ERG: variants seen among roughly 807,000 people sequenced by gnomAD.
ERG encodes the protein transcriptional regulator ERG.
Under a neutral mutation model 55.3 loss-of-function variants are expected in ERG, and 9 were observed. The ratio of observed to expected loss-of-function variants is 0.16; its 90% CI spans 0.10 to 0.28. The LOEUF (loss-of-function observed/expected upper bound fraction) is 0.28. Among genes scored for constraint, ERG ranks in the 10% least tolerant of loss-of-function variants. The pLI is 1.00. For missense variants in ERG, 434 were observed against 631.6 expected, an observed-to-expected ratio of 0.69 and a Z score of 3.35; for synonymous variants, 223 against 237.3, an observed-to-expected ratio of 0.94 and a Z score of 0.55.
chr21:38,633,727 T>C (rs1262572163), intron 1 of ERG, among the ~76,000 whole-genome samples: 1 of 152,196 alleles, frequency 6.6e-6, no homozygotes, highest in Non-Finnish European at 1.5e-5. Context: ...AAATAAAAAG[T>C]AGAAAATAAA....
At chr21:38,479,307 CAATGGGCAACCG>C (rs1009508920) in intron 1 of ERG, among the ~76,000 whole-genome samples, 19 of 152,244 alleles carry the variant, frequency 1.2e-4, no homozygotes, top group Admixed American at 7.8e-4. Context: ...CTGGCTCTTC[CAATGGGCAACCG>C]TTGTTTGTTG....
At chr21:38,618,390 T>C (rs2060271191) in intron 1 of ERG, among the ~76,000 whole-genome samples, 1 of 152,112 alleles carries the variant, frequency 6.6e-6, no homozygotes, top group African/African-American at 2.4e-5. Flanking sequence ...AAGGATAAAG[T>C]GGCACAGAGT....
At chr21:38,401,958 G>A (rs1402903417) in intron 5 of ERG, among the ~76,000 whole-genome samples, 1 of 152,192 alleles carries the variant, frequency 6.6e-6, no homozygotes, top group Non-Finnish European at 1.5e-5. Flanking sequence ...CAGGCATTTG[G>A]TTAGTGACTA....
chr21:38,381,142 C>T lies in ERG; in HGVS notation c.*2261G>A, dbSNP rs1987415059. 2 of 1,065,240 alleles carry T rather than the reference C, an allele frequency of 1.9e-6. No individual in the cohort carries two copies. The highest frequency in any genetic ancestry group is 2.3e-6 in the Non-Finnish European group (2 of 879,334). The allele number at this position is 1,065,240 out of a possible 1,614,324, so 66.0% of individuals were successfully genotyped here. A position where few individuals can be genotyped will look rare whatever the true frequency, so the allele number is the denominator to read the frequency against. On this transcript the variant is annotated 3_prime_UTR_variant, in exon 10 of 10. Coordinates refer to ENST00000288319, the MANE Select transcript of ERG (RefSeq NM_182918.4). ...ATCGTGTCCTGCCGACTTCAAAGCCCACTGCCAAAACATCCACAGCACAGA... is the reference window on the plus strand; with the variant it reads ...ATCGTGTCCTGCCGACTTCAAAGCCTACTGCCAAAACATCCACAGCACAGA...
chr21:38,546,322 G>A (rs1340484408), intron 2 of ERG, among the ~76,000 whole-genome samples: 1 of 152,020 alleles, frequency 6.6e-6, no homozygotes, highest in East Asian at 1.9e-4. Flanking sequence ...TCCCTTTACT[G>A]TCAAACACAA....
At chr21:38,527,013 T>C (rs2059634389) in intron 2 of ERG, among the ~76,000 whole-genome samples, 1 of 152,170 alleles carries the variant, frequency 6.6e-6, no homozygotes, top group South Asian at 2.1e-4. Flanking sequence ...GTTCACCAAT[T>C]CCTAAGAAGG....
At chr21:38,633,801 T>G (rs752163051) in intron 1 of ERG, among the ~76,000 whole-genome samples, 4 of 152,090 alleles carry the variant, frequency 2.6e-5, no homozygotes, top group Non-Finnish European at 5.9e-5. Flanking sequence ...AAGTGCCGAA[T>G]TATTTCATTT....
chr21:38,533,825 T>C (rs900004463), intron 2 of ERG, among the ~76,000 whole-genome samples: 1 of 152,224 alleles, frequency 6.6e-6, no homozygotes, highest in Non-Finnish European at 1.5e-5. Context: ...GCTCAACTGA[T>C]ATTTAGCTCT....
At chr21:38,421,892 G>A (rs532251443) in intron 3 of ERG, among the ~76,000 whole-genome samples, 35 of 151,968 alleles carry the variant, frequency 2.3e-4, no homozygotes, top group Admixed American at 8.5e-4. Flanking sequence ...TGCTCTTGTC[G>A]CCCAGGCTGG....
Position 38,548,315 on chromosome 21 carries a change from T to C in ERG, c.-41+27347A>G, listed in dbSNP as rs575475972. Among the ~76,000 whole-genome samples the C allele has an allele frequency of 9.9e-5, 15 of 152,250 alleles. No homozygotes were observed. The South Asian group carries it at 2.9e-3, about 30-fold the overall frequency. On this transcript the variant is annotated intron_variant, in intron 2 of 8. Transcript: ENST00000398897. ...CAGCTTTTATTTTATTGTGTCATCA[T>C]ATATAAGTTAATAGTTCATAATTAG...
rs559673513 is a variant in ERG at position 38,449,428 on chromosome 21, G to A, written c.19-3807C>T. Among the ~76,000 whole-genome samples the A allele has an allele frequency of 3.3e-5, 5 of 152,204 alleles. No homozygotes were observed. In the East Asian group the frequency reaches 7.7e-4, roughly 23 times the overall value. ...AGTATTGATTATTTCATTTCAATACGGAATATACCAATAACACATGAGGAC... is the reference window on the plus strand; with the variant it reads ...AGTATTGATTATTTCATTTCAATACAGAATATACCAATAACACATGAGGAC... On this transcript the variant is annotated intron_variant, in intron 1 of 9. Transcript: ENST00000288319.
intron 1 of ERG, among the ~76,000 whole-genome samples, chr21:38,453,131 C>A (rs2058956605): frequency 6.6e-6 from 1 of 152,162 alleles, no homozygotes; most frequent in African/African-American, 2.4e-5. Context: ...TTGCCATTGG[C>A]AATATGTCTG....
chr21:38,461,339 C>T (rs569755445), intron 1 of ERG, among the ~76,000 whole-genome samples: 4 of 152,164 alleles, frequency 2.6e-5, no homozygotes, highest in Admixed American at 1.3e-4. Flanking sequence ...TTAAGGACCA[C>T]CCTAAGGGCC....
intron 2 of ERG, among the ~76,000 whole-genome samples, chr21:38,432,543 T>C (rs1601394373): frequency 6.6e-6 from 1 of 152,354 alleles, no homozygotes; most frequent in Admixed American, 6.5e-5. Flanking sequence ...TGTTGACTAA[T>C]GATGAGCATG....
intron 2 of ERG, among the ~76,000 whole-genome samples, chr21:38,571,532 A>G (rs1209757935): frequency 6.6e-6 from 1 of 151,820 alleles, no homozygotes; most frequent in African/African-American, 2.4e-5. Context: ...ATAAAAATAA[A>G]TAATAAATAA....
chr21:38,576,150 C>CT (rs3834676), intron 1 of ERG, among the ~76,000 whole-genome samples: 14,703 of 152,312 alleles, frequency 0.097, 835 homozygotes, highest in South Asian at 0.15. Flanking sequence ...CACCAAAACT[C>CT]ATGCGATCTG....
chr21:38,407,646 T>TATATATATATATATATA (rs34894423), intron 3 of ERG, among the ~76,000 whole-genome samples: 35 of 142,630 alleles, frequency 2.5e-4, no homozygotes, highest in Middle Eastern at 7.9e-3. Context: ...ATATATATAT[T>TATATATATATATATATA]TAATGTATAT....
intron 3 of ERG, among the ~76,000 whole-genome samples, chr21:38,412,081 C>A (rs1989084233): frequency 6.6e-6 from 1 of 152,132 alleles, no homozygotes; most frequent in African/African-American, 2.4e-5. Context: ...TTTGTTTGTG[C>A]AAGATTTTTT....
At chr21:38,445,824 C>T (rs1190722336) in intron 1 of ERG, among the ~76,000 whole-genome samples, 4 of 151,896 alleles carry the variant, frequency 2.6e-5, no homozygotes, top group African/African-American at 9.7e-5. Flanking sequence ...CCTAGAAAAA[C>T]TTTTATGCAG....
Sources: gnomAD v4.1 joint callset for allele counts (sites outside exome capture counted in the v4.1 genomes callset) on GRCh38, gnomAD v4.1.1 for gene constraint, MANE v1.5 for transcripts, NCBI Gene and HGNC (gene_info 2026-07-23, HGNC 2026-07-21) for gene names.